Variants in SERPINB5 observed in about 807,000 individuals in gnomAD.
SERPINB5 encodes serpin B5.
Under a neutral mutation model 32.2 loss-of-function variants are expected in SERPINB5, and 27 were observed. That is an observed-to-expected ratio of 0.84 (90% confidence interval 0.62 to 1.16). The LOEUF (loss-of-function observed/expected upper bound fraction) is 1.16, where lower values mean the gene tolerates loss of function less well. SERPINB5 is among the 50% of genes most tolerant of loss of function. The pLI, the probability that SERPINB5 is intolerant of heterozygous loss-of-function variation, is 0.00. For missense variants in SERPINB5, 388 were observed against 436.3 expected (o/e 0.89, Z 0.99); for synonymous variants, 154 against 157.4 (o/e 0.98, Z 0.16).
At chr18:63,489,142 T>A (rs1489455982) in intron 3 of SERPINB5, among the ~76,000 whole-genome samples, 3 of 152,270 alleles carry the variant, frequency 2.0e-5, no homozygotes, top group African/African-American at 7.2e-5. Context: ...ATTTAATAAT[T>A]GAAATTGTCT....
rs8093128 is a variant in SERPINB5, at chr18:63,503,692, T to A, written c.1098T>A (p.Ile366=). 1.2e-6 allele frequency: 2 copies of A among 1,614,132 alleles called. No homozygotes were observed. Among genetic ancestry groups the A allele is most frequent in the African/African-American group, 2.7e-5 (2 of 74,946 alleles). Residue 366 remains isoleucine, a synonymous_variant, in exon 7 of 7, where the codon ATT becomes ATA. Transcript: ENST00000382771. ...TCAGGCACAACAAAACTCGAAACATTATTTTCTTTGGCAAATTCTGTTCTC... is the reference window on the plus strand; with the variant it reads ...TCAGGCACAACAAAACTCGAAACATAATTTTCTTTGGCAAATTCTGTTCTC... ...YIIRHNKTRN[I]IFFGKFCSP is the part of the protein sequence containing the mutation.
At chr18:63,495,321 A>G (rs957407043) in intron 5 of SERPINB5, among the ~76,000 whole-genome samples, 4 of 151,982 alleles carry the variant, frequency 2.6e-5, no homozygotes, top group African/African-American at 9.6e-5. Context: ...CTGGAGTGGA[A>G]GTGGAACGTG....
chr18:63,493,256 AG>A, intron 5 of SERPINB5, 161 bp downstream of exon 5: 1 of 869,282 alleles, frequency 1.2e-6, no homozygotes, highest in African/African-American at 1.7e-5. Context: ...TGGTACAAAA[AG>A]AGCCAGAATC....
chr18:63,483,102 C>T (rs1207150243), intron 1 of SERPINB5, among the ~76,000 whole-genome samples: 1 of 152,148 alleles, frequency 6.6e-6, no homozygotes, highest in African/African-American at 2.4e-5. Context: ...AGACACAACA[C>T]TTTGGAAGTT....
intron 6 of SERPINB5, among the ~76,000 whole-genome samples, chr18:63,502,137 A>ATT (rs11403937): frequency 9.0e-4 from 125 of 138,982 alleles, no homozygotes; most frequent in Admixed American, 1.4e-3. Flanking sequence ...TTTGGAAATG[A>ATT]TTTTTTTTTT....
chr18:63,477,702 A>T (rs1440015119), intron 1 of SERPINB5, among the ~76,000 whole-genome samples: 2 of 152,216 alleles, frequency 1.3e-5, no homozygotes, highest in African/African-American at 4.8e-5. Context: ...ATAAATTGTA[A>T]TAGCTGCTTG....
At chr18:63,489,214 C>A (rs1245625196) in intron 3 of SERPINB5, 133 bp from the exon 4 acceptor site, 8 of 472,570 alleles carry the variant, frequency 1.7e-5, no homozygotes, top group Non-Finnish European at 2.6e-5. Context: ...CATGAGGTTT[C>A]AATTCATATA....
At chr18:63,489,698 C>T (rs1599389653) in intron 4 of SERPINB5, among the ~76,000 whole-genome samples, 2 of 152,194 alleles carry the variant, frequency 1.3e-5, no homozygotes, top group African/African-American at 4.8e-5. Flanking sequence ...TTTACTTTGT[C>T]TTGCTCTCTG....
chr18:63,486,187 A>G (rs1485262539), intron 2 of SERPINB5, among the ~76,000 whole-genome samples: 2 of 152,182 alleles, frequency 1.3e-5, no homozygotes, highest in Non-Finnish European at 2.9e-5. Flanking sequence ...TTTTCAGCCC[A>G]TTTTACGGAG....
intron 2 of SERPINB5, 145 bp downstream of exon 2, chr18:63,484,741 C>CTTTTTCTTTTTTTTTTTTTTTTTTTTT (rs1917178786): frequency 9.5e-6 from 1 of 105,684 alleles, no homozygotes; most frequent in Non-Finnish European, 1.7e-5. Flanking sequence ...CTCTCTTAAT[C>CTTTTTCTTTTTTTTTTTTTTTTTTTTT]TTTTTTTTTT....
At chr18:63,501,496 A>G (rs1005382543) in intron 6 of SERPINB5, among the ~76,000 whole-genome samples, 10 of 152,272 alleles carry the variant, frequency 6.6e-5, no homozygotes, top group East Asian at 5.8e-4. Context: ...TAGTGTTCCA[A>G]TAAGCATACG....
At chr18:63,485,113 C>G (rs966497649) in intron 2 of SERPINB5, among the ~76,000 whole-genome samples, 1 of 152,142 alleles carries the variant, frequency 6.6e-6, no homozygotes, top group African/African-American at 2.4e-5. Context: ...ACCTGGAGAT[C>G]TGCTGGGTAA....
intron 3 of SERPINB5, 141 bp downstream of exon 3, chr18:63,487,224 C>G: frequency 1.2e-6 from 1 of 812,810 alleles, no homozygotes; most frequent in Non-Finnish European, 1.9e-6. Flanking sequence ...TAAATAAATC[C>G]TAGTGGAGAG....
chr18:63,484,006 A>G (rs1917165285), intron 1 of SERPINB5, among the ~76,000 whole-genome samples: 1 of 152,268 alleles, frequency 6.6e-6, no homozygotes, highest in South Asian at 2.1e-4. Flanking sequence ...AACTGCTGCA[A>G]TTCGACTGTT....
intron 1 of SERPINB5, among the ~76,000 whole-genome samples, chr18:63,481,799 T>G (rs1917131337): frequency 6.6e-6 from 1 of 152,182 alleles, no homozygotes; most frequent in African/African-American, 2.4e-5. Context: ...CATTTTTGCC[T>G]CAGTATACCC....
At position 63,504,764 on chromosome 18, in the gene SERPINB5, A is replaced by T. The variant is rs1238100204; in HGVS notation, c.*1042A>T. 3 of 152,202 alleles carry T rather than the reference A, an allele frequency of 2.0e-5. No homozygotes were observed. The highest frequency in any genetic ancestry group is 7.2e-5 in the African/African-American group (3 of 41,444). The allele number at this position is 152,202 out of a possible 1,614,324, so 9.4% of individuals were successfully genotyped here. A position where few individuals can be genotyped will look rare whatever the true frequency, so the allele number is the denominator to read the frequency against. ...GATAGCGGGAAAAGGAGAGGAAACT[A>T]CTGCCTTTAGAAAATATAAGTAAAG... On this transcript the variant is annotated 3_prime_UTR_variant, in exon 7 of 7. Transcript: ENST00000382771.
At chr18:63,489,215 A>G (rs1159148448) in intron 3 of SERPINB5, 132 bp from the exon 4 acceptor site, 1 of 476,722 alleles carries the variant, frequency 2.1e-6, no homozygotes, top group Non-Finnish European at 3.7e-6. Context: ...ATGAGGTTTC[A>G]ATTCATATAG....
At chr18:63,493,280 CT>C in intron 5 of SERPINB5, 185 bp downstream of exon 5, 6 of 704,660 alleles carry the variant, frequency 8.5e-6, no homozygotes, top group South Asian at 6.6e-5. Flanking sequence ...GAGGCCCCCC[CT>C]CCTCTTTTCC....
intron 6 of SERPINB5, among the ~76,000 whole-genome samples, chr18:63,500,623 C>G (rs558206606): frequency 5.3e-5 from 8 of 152,244 alleles, no homozygotes; most frequent in South Asian, 2.1e-4. Context: ...CTCACCTCTG[C>G]TTAGCTGGCT....
Sources: allele counts gnomAD v4.1 joint callset (sites outside exome capture counted in the v4.1 genomes callset), GRCh38; gene constraint gnomAD v4.1.1; transcripts MANE v1.5; gene names NCBI Gene and HGNC (gene_info 2026-07-23, HGNC 2026-07-21).